ZNF385D: variants seen among roughly 807,000 people sequenced by gnomAD.
ZNF385D encodes the protein zinc finger protein 659.
ZNF385D carries 15 observed loss-of-function variants against 35.8 expected under a neutral mutation model. The observed-to-expected ratio is 0.42, with a 90% CI of 0.28 to 0.64. ZNF385D has a LOEUF of 0.64. Among genes scored for constraint, ZNF385D ranks in the 30% least tolerant of loss-of-function variants. The probability of loss-of-function intolerance (pLI) is 0.23; values close to 1 mark genes in which losing one functional copy is unlikely to be tolerated. For missense variants in ZNF385D, 474 were observed against 494.6 expected (o/e 0.96, Z 0.39); for synonymous variants, 212 against 186.8 (o/e 1.13, Z -1.10).
chr3:21,807,983 T>G (rs2072730039), intron 3 of ZNF385D, among the ~76,000 whole-genome samples: 1 of 152,206 alleles, frequency 6.6e-6, no homozygotes. Context: ...TTGTGTTAGC[T>G]CTAACCTCAT....
intron 2 of ZNF385D, among the ~76,000 whole-genome samples, chr3:21,584,692 A>G (rs1329718480): frequency 6.6e-6 from 1 of 152,108 alleles, no homozygotes; most frequent in Non-Finnish European, 1.5e-5. Context: ...TCTACAAATA[A>G]TGTGTTTTTA....
chr3:21,848,522 C>T (rs1371339469), intron 3 of ZNF385D, among the ~76,000 whole-genome samples: 1 of 151,446 alleles, frequency 6.6e-6, no homozygotes, highest in East Asian at 1.9e-4. Context: ...AGAGAAGATT[C>T]AAATAAGTAA....
At chr3:22,158,667 C>T (rs1705747234) in intron 3 of ZNF385D, among the ~76,000 whole-genome samples, 1 of 149,160 alleles carries the variant, frequency 6.7e-6, no homozygotes, top group Admixed American at 6.7e-5. Flanking sequence ...TACCATCTTA[C>T]ACACACACAC....
intron 3 of ZNF385D, among the ~76,000 whole-genome samples, chr3:21,531,663 A>G (rs992578306): frequency 6.6e-6 from 1 of 152,244 alleles, no homozygotes; most frequent in Non-Finnish European, 1.5e-5. Context: ...TACATACTGT[A>G]TGAGTCCAAC....
chr3:22,080,357 A>T (rs908383781), intron 3 of ZNF385D, among the ~76,000 whole-genome samples: 1 of 152,136 alleles, frequency 6.6e-6, no homozygotes, highest in African/African-American at 2.4e-5. Context: ...TTAAACTCAC[A>T]TGCTGAGAAC....
chr3:22,209,580 G>A (rs1281257703), intron 2 of ZNF385D, among the ~76,000 whole-genome samples: 2 of 151,628 alleles, frequency 1.3e-5, no homozygotes, highest in Non-Finnish European at 2.9e-5. Context: ...TCCATGCACT[G>A]GTAAATTTTA....
At chr3:22,215,719 T>C (rs1697833963) in intron 2 of ZNF385D, among the ~76,000 whole-genome samples, 1 of 152,064 alleles carries the variant, frequency 6.6e-6, no homozygotes, top group African/African-American at 2.4e-5. Flanking sequence ...TATTACCTTG[T>C]GAAGCATGTG....
chr3:21,966,674 C>A (rs897301283), intron 3 of ZNF385D, among the ~76,000 whole-genome samples: 1 of 152,072 alleles, frequency 6.6e-6, no homozygotes, highest in African/African-American at 2.4e-5. Flanking sequence ...CTCTGCCTCC[C>A]GGGTTCAATC....
rs572423246 is a variant in ZNF385D, at chr3:21,938,231, G to A, written c.325+230586C>T. 2.0e-5 allele frequency among the ~76,000 whole-genome samples: 3 copies of A among 152,302 alleles called. No individual in the cohort carries two copies. In the East Asian group the frequency reaches 5.8e-4, roughly 29 times the overall value. On this transcript the variant is annotated intron_variant, in intron 3 of 5. Transcript: ENST00000494108. ...GTAGGTTTTGACCCTATAGTTAACAGAAGCTTTCTCTCAGTTATGCACAAG... is the reference window on the plus strand; with the variant it reads ...GTAGGTTTTGACCCTATAGTTAACAAAAGCTTTCTCTCAGTTATGCACAAG...
In ZNF385D at chr3:22,307,850, T is replaced by A. The variant is rs368968968; in HGVS notation, c.106+64600A>T. 5.3e-5 allele frequency among the ~76,000 whole-genome samples: 8 copies of A among 152,088 alleles called. No homozygotes were observed. The South Asian group carries it at 1.0e-3, about 20-fold the overall frequency. ...AGCAACAAAGAAGAAACACTGCATA[T>A]CTTCAGAGAAGACTAGTAAGATCAT... On this transcript the variant is annotated intron_variant, in intron 2 of 5. Transcript: ENST00000494108.
intron 3 of ZNF385D, among the ~76,000 whole-genome samples, chr3:21,778,982 C>A (rs915987052): frequency 6.6e-6 from 1 of 151,840 alleles, no homozygotes; most frequent in African/African-American, 2.4e-5. Flanking sequence ...AAATTTTGCC[C>A]CATGGAGAAC....
intron 2 of ZNF385D, among the ~76,000 whole-genome samples, chr3:22,351,580 ACAAATATAGCTT>A (rs1695917779): frequency 6.6e-6 from 1 of 152,202 alleles, no homozygotes; most frequent in Non-Finnish European, 1.5e-5. Flanking sequence ...TGCTATAACT[ACAAATATAGCTT>A]CAAATACAAA....
intron 3 of ZNF385D, among the ~76,000 whole-genome samples, chr3:21,852,941 T>A (rs918912598): frequency 6.6e-6 from 1 of 151,890 alleles, no homozygotes; most frequent in African/African-American, 2.4e-5. Flanking sequence ...CATCCAAGTC[T>A]AGAAATCAGT....
rs193054676 is a variant in ZNF385D at position 22,079,114 on chromosome 3, A to G, written c.325+89703T>C. ...AGAAGTGTGGATTAAATAGGAATAA[A>G]CAGAATGAGTATAAGTGTCATGGAT... On this transcript the variant is annotated intron_variant, in intron 3 of 5. Transcript: ENST00000494108. Among the ~76,000 whole-genome samples the G allele has an allele frequency of 4.8e-3, 724 of 152,182 alleles. 11 individuals are homozygous for G. The highest frequency in any genetic ancestry group is 0.016 in the African/African-American group (659 of 41,570).
intron 3 of ZNF385D, among the ~76,000 whole-genome samples, chr3:21,556,813 G>A (rs2062757619): frequency 6.6e-6 from 1 of 152,290 alleles, no homozygotes; most frequent in South Asian, 2.1e-4. Flanking sequence ...CGTGGGCATG[G>A]AATGTTTTTC....
intron 2 of ZNF385D, among the ~76,000 whole-genome samples, chr3:21,573,917 G>C (rs1232044101): frequency 1.3e-5 from 2 of 151,890 alleles, no homozygotes; most frequent in Admixed American, 1.3e-4. Flanking sequence ...AAAATTAGCT[G>C]GGTGTGGTGG....
At chr3:21,622,006 G>A (rs576972278) in intron 2 of ZNF385D, among the ~76,000 whole-genome samples, 1 of 152,112 alleles carries the variant, frequency 6.6e-6, no homozygotes, top group South Asian at 2.1e-4. Flanking sequence ...TCCTTAGCGA[G>A]GAACATGTGC....
intron 3 of ZNF385D, among the ~76,000 whole-genome samples, chr3:22,041,540 A>G (rs543268298): frequency 1.3e-5 from 2 of 152,338 alleles, no homozygotes; most frequent in South Asian, 2.1e-4. Context: ...TCACTACAAT[A>G]TCATTACTAT....
chr3:22,081,917 C>T (rs924900322), intron 3 of ZNF385D, among the ~76,000 whole-genome samples: 28 of 151,662 alleles, frequency 1.8e-4, no homozygotes, highest in African/African-American at 6.1e-4. Context: ...GATCTTATCA[C>T]CTCTTAAAGC....
Sources: gnomAD v4.1 joint callset for allele counts (sites outside exome capture counted in the v4.1 genomes callset) on GRCh38, gnomAD v4.1.1 for gene constraint, MANE v1.5 for transcripts, NCBI Gene and HGNC (gene_info 2026-07-23, HGNC 2026-07-21) for gene names.